The following BPIFB1 variants were observed in gnomAD, a reference collection of about 807,000 sequenced individuals.
BPIFB1 encodes BPI fold containing family B member 1.
Under a neutral mutation model 55.1 loss-of-function variants are expected in BPIFB1, and 34 were observed. The observed-to-expected ratio is 0.62, with a 90% CI of 0.47 to 0.82. The LOEUF (loss-of-function observed/expected upper bound fraction) is 0.82, where lower values mean the gene tolerates loss of function less well. Among genes scored for constraint, BPIFB1 ranks in the 40% least tolerant of loss-of-function variants. The pLI, the probability that BPIFB1 is intolerant of heterozygous loss-of-function variation, is 0.00. For synonymous variants in BPIFB1, 236 were observed against 245.3 expected (o/e 0.96, Z 0.35); for missense variants, 532 against 593.1 (o/e 0.90, Z 1.07).
At chr20:33,298,682 T>TA (rs1309472880) in intron 7 of BPIFB1, 13 of 153,970 alleles carry the variant, frequency 8.4e-5, no homozygotes, top group African/African-American at 2.9e-4. Context: ...CAGTTGGTGA[T>TA]AGAGGAAGAC....
In BPIFB1 at chr20:33,309,688, CT is replaced by C; in HGVS notation, c.1396-16del. ...AAGGTTAAAGAAACCTGTTTTCTGA[CT>C]TTTCCCCTCCAATTCCAGGATGCCC... On this transcript the variant is annotated intron_variant, in intron 15 of 15. Coordinates refer to ENST00000253354, the MANE Select transcript of BPIFB1 (RefSeq NM_033197.3). The surrounding 1 kb of genome is among the most constrained non-coding windows in gnomAD (Gnocchi z 4.4). The C allele has an allele frequency of 6.2e-7, 1 of 1,613,344 alleles. No homozygotes were observed. The highest frequency in any genetic ancestry group is 8.5e-7 in the Non-Finnish European group (1 of 1,179,260).
chr20:33,302,475 G>C (rs988632116), intron 10 of BPIFB1, 63 bp downstream of exon 10: 20 of 1,560,096 alleles, frequency 1.3e-5, no homozygotes, highest in Non-Finnish European at 1.6e-5. Flanking sequence ...CAGGCCTCTG[G>C]GGAGGAGAAT....
chr20:33,283,728 G>C (rs1389367050), intron 1 of BPIFB1, among the ~76,000 whole-genome samples: 1 of 152,104 alleles, frequency 6.6e-6, no homozygotes, highest in Non-Finnish European at 1.5e-5. Context: ...TTGGGCAAAG[G>C]AGGAGAGAAA....
rs78433328 is a variant in BPIFB1, at chr20:33,287,453, G to A, written c.115+1265G>A. 6.6e-5 allele frequency among the ~76,000 whole-genome samples: 10 copies of A among 152,334 alleles called. No homozygotes were observed. In the East Asian group the frequency reaches 1.9e-3, roughly 29 times the overall value. On this transcript the variant is annotated intron_variant, in intron 2 of 15. Transcript: ENST00000253354. ...AGTTTAATGTAAAGAAGTATTACCA[G>A]GGGATTGGAAGAATGAGGAATTGGC...
chr20:33,297,722 A>G (rs781694914), intron 7 of BPIFB1, 134 bp downstream of exon 7: 55 of 887,496 alleles, frequency 6.2e-5, no homozygotes, highest in Non-Finnish European at 9.3e-5. Flanking sequence ...TGAGACAAGC[A>G]TCAGTTGATC....
intron 6 of BPIFB1, among the ~76,000 whole-genome samples, chr20:33,296,679 G>A (rs1360646568): frequency 6.6e-6 from 1 of 152,176 alleles, no homozygotes; most frequent in African/African-American, 2.4e-5. Flanking sequence ...AACTAAAAAT[G>A]TCTCTAGAAA....
intron 11 of BPIFB1, 95 bp downstream of exon 11, chr20:33,303,169 A>C: frequency 6.8e-7 from 1 of 1,469,658 alleles, no homozygotes; most frequent in Non-Finnish European, 9.4e-7. Flanking sequence ...CATTTCCACC[A>C]CTCTCATCAC....
chr20:33,297,904 T>A (rs1479274366), intron 7 of BPIFB1, among the ~76,000 whole-genome samples: 1 of 152,184 alleles, frequency 6.6e-6, no homozygotes, highest in Non-Finnish European at 1.5e-5. Flanking sequence ...GGTTTCCTCA[T>A]CCATAAAATG....
intron 5 of BPIFB1, 102 bp from the exon 6 acceptor site, chr20:33,291,805 G>C (rs575486274): frequency 2.1e-5 from 23 of 1,095,610 alleles, no homozygotes; most frequent in Non-Finnish European, 2.9e-5. Flanking sequence ...CCTTGGGCAG[G>C]TTCCTTCCTC....
chr20:33,302,599 A>ACTATCCATGT, intron 10 of BPIFB1, 187 bp downstream of exon 10: 1 of 683,172 alleles, frequency 1.5e-6, no homozygotes, highest in Non-Finnish European at 2.6e-6. Flanking sequence ...TCACATGGAT[A>ACTATCCATGT]GTATTTCCAT....
In BPIFB1 at chr20:33,299,333, G is replaced by A; in HGVS notation, c.662-566G>A. The A allele has an allele frequency of 5.3e-6, 2 of 378,556 alleles. 1 individual carries two copies. Among genetic ancestry groups the A allele is most frequent in the South Asian group, 3.7e-5 (2 of 54,742 alleles). 23.4% of individuals were successfully genotyped at this position (378,556 alleles called of 1,614,324 possible). ...GCGGCCAAGTGGGGAATTCTGACGC[G>A]AACACGAGATCTTTGGGGGGAGCAG... is the stretch of plus-strand genomic sequence containing the variant. On this transcript the variant is annotated intron_variant, in intron 7 of 15. Transcript: ENST00000253354.
At chr20:33,295,108 G>C (rs1214382959) in intron 6 of BPIFB1, among the ~76,000 whole-genome samples, 1 of 152,024 alleles carries the variant, frequency 6.6e-6, no homozygotes, top group Non-Finnish European at 1.5e-5. Flanking sequence ...CTAACTACTT[G>C]GGAGGCTGAG....
rs1200551681 is a variant in BPIFB1 at position 33,303,964 on chromosome 20, A to G, written c.1147A>G (p.Ser383Gly). 3.1e-6 allele frequency: 5 copies of G among 1,613,886 alleles called. No individual in the cohort carries two copies. The highest frequency in any genetic ancestry group is 4.2e-6 in the Non-Finnish European group (5 of 1,179,984). Residue 383 changes from serine to glycine, a missense_variant, in exon 12 of 16, where the codon AGC becomes GGC. Transcript: ENST00000253354. Reference protein sequence around the residue: ...RPLFTLGIEASSEAQFYTKGD... With the variant: ...RPLFTLGIEAGSEAQFYTKGD... ...TGGGCTTCTCTTGTTGCAGGAAGCC[A>G]GCTCGGAAGCTCAGTTTTACACCAA...
At position 33,307,128 on chromosome 20, in the gene BPIFB1, C is replaced by T; in HGVS notation, c.1395+141C>T. The T allele has an allele frequency of 4.4e-6, 3 of 681,472 alleles. No individual in the cohort carries two copies. The South Asian group carries it at 5.2e-5, about 12-fold the overall frequency. The allele number at this position is 681,472 out of a possible 1,614,324, so 42.2% of individuals were successfully genotyped here. On this transcript the variant is annotated intron_variant, in intron 15 of 15. Transcript: ENST00000253354. ...CCCTTCCCCTCTCAGGGCCTCACCT[C>T]CTCATCTGCAAGTGAGAAGGTTGGC...
chr20:33,291,072 A>G lies in BPIFB1; in HGVS notation c.481A>G (p.Ser161Gly), dbSNP rs779791753. ...CCTGGTCCTCAGTGACTGTGCCACC[A>G]GCCATGGGAGCCTGCGCATCCAACT... ...TRLVLSDCAT[S>G]HGSLRIQLLH... Residue 161 changes from serine to glycine, a missense_variant, in exon 5 of 16, where the codon AGC becomes GGC. Physicochemically the swap from Ser to Gly is moderately conservative, Grantham distance 56 (BLOSUM62 0). Transcript: ENST00000253354. 1 of 1,612,972 alleles carries G rather than the reference A, an allele frequency of 6.2e-7. No individual in the cohort carries two copies. Among genetic ancestry groups the G allele is most frequent in the Non-Finnish European group, 8.5e-7 (1 of 1,180,014 alleles).
Position 33,299,848 on chromosome 20 carries a change from C to T in BPIFB1, c.662-51C>T, listed in dbSNP as rs530555938. On this transcript the variant is annotated intron_variant, in intron 7 of 15. Coordinates refer to ENST00000253354, the MANE Select transcript of BPIFB1 (RefSeq NM_033197.3). ...CTGGAAGCAGCCCCCCAACTTCCCC[C>T]TCCAATACTGCCCTCCACCCTCACA... 3 of 1,547,054 alleles carry T rather than the reference C, an allele frequency of 1.9e-6. No individual in the cohort carries two copies. In the African/African-American group the frequency reaches 4.1e-5, roughly 21 times the overall value.
chr20:33,285,616 G>T (rs1980242113), intron 1 of BPIFB1, among the ~76,000 whole-genome samples: 1 of 151,412 alleles, frequency 6.6e-6, no homozygotes, highest in African/African-American at 2.4e-5. Context: ...TACTCAGGAG[G>T]CTGAGGCAGG....
rs1270602592 is a variant in BPIFB1, at chr20:33,309,216, TG to T, written c.1396-488del. Among the ~76,000 whole-genome samples the T allele has an allele frequency of 6.6e-6, 1 of 152,220 alleles. No individual in the cohort carries two copies. The highest frequency in any genetic ancestry group is 2.4e-5 in the African/African-American group (1 of 41,458). On this transcript the variant is annotated intron_variant, in intron 15 of 15. Transcript: ENST00000253354. The surrounding 1 kb of genome is among the most constrained non-coding windows in gnomAD (Gnocchi z 4.4). ...CTCACAGTCACTGTGTGCCAGGCTC[TG>T]GGGCATCTCTCCCCCTCTAGAGTGG...
At chr20:33,298,303 C>T (rs6120218) in intron 7 of BPIFB1, among the ~76,000 whole-genome samples, 17,413 of 152,190 alleles carry the variant, frequency 0.11, 3,259 homozygotes, top group African/African-American at 0.39. Context: ...AGGGCAAAGA[C>T]GGAAGGAAGT....
Sources: gnomAD v4.1 joint callset for allele counts (sites outside exome capture counted in the v4.1 genomes callset) on GRCh38, gnomAD v4.1.1 for gene constraint, Gnocchi (gnomAD v3.1) non-coding constraint, MANE v1.5 for transcripts, NCBI Gene and HGNC (gene_info 2026-07-23, HGNC 2026-07-21) for gene names.